The following ADGRF5 variants were observed in gnomAD, a reference collection of about 807,000 sequenced individuals.
The protein encoded by ADGRF5 is adhesion G protein-coupled receptor F5, also known as G-protein coupled receptor 116.
In ADGRF5, 75 loss-of-function variants were observed where a neutral mutation model predicts 132.3. The observed-to-expected ratio is 0.57, with a 90% CI of 0.47 to 0.69. The LOEUF is 0.69. Ranked by LOEUF, ADGRF5 falls within the 30% of genes least tolerant of loss-of-function variation. The probability of loss-of-function intolerance (pLI) is 0.00; values close to 1 mark genes in which losing one functional copy is unlikely to be tolerated. For synonymous variants in ADGRF5, 629 were observed against 597.6 expected (o/e 1.05, Z -0.77); for missense variants, 1,516 against 1,630.6 (o/e 0.93, Z 1.21).
chr6:46,915,288 TTAA>T (rs76660188), intron 1 of ADGRF5, among the ~76,000 whole-genome samples: 31 of 149,580 alleles, frequency 2.1e-4, no homozygotes, highest in East Asian at 3.9e-4. Flanking sequence ...CTTGACTATT[TTAA>T]TAATAATAAT....
chr6:46,910,155 T>C (rs913880813), intron 1 of ADGRF5, among the ~76,000 whole-genome samples: 9 of 152,194 alleles, frequency 5.9e-5, no homozygotes, highest in Admixed American at 3.9e-4. Context: ...CAGAGGTGGC[T>C]AGGAGCTGAG....
chr6:46,860,291 TA>T (rs111551096), intron 16 of ADGRF5, among the ~76,000 whole-genome samples: 115 of 152,298 alleles, frequency 7.6e-4, no homozygotes, highest in African/African-American at 2.6e-3. Context: ...ATCCCTTCAT[TA>T]AAGTCTCTTC....
At chr6:46,878,741 A>G (rs1453502102) in intron 9 of ADGRF5, among the ~76,000 whole-genome samples, 1 of 152,236 alleles carries the variant, frequency 6.6e-6, no homozygotes, top group East Asian at 1.9e-4. Context: ...TTGCCGTAGT[A>G]TTTAACCATG....
intron 12 of ADGRF5, 26 bp from the exon 13 acceptor site, chr6:46,867,163 A>G (rs1770546730): frequency 1.6e-6 from 2 of 1,231,922 alleles, no homozygotes; most frequent in South Asian, 1.2e-5. Context: ...CAAAAATGAG[A>G]TGGAATGGAA....
chr6:46,914,783 G>A (rs1165925476), intron 1 of ADGRF5, among the ~76,000 whole-genome samples: 1 of 151,898 alleles, frequency 6.6e-6, no homozygotes, highest in African/African-American at 2.4e-5. Context: ...ATGCCCAGGG[G>A]TGCATTCCAA....
intron 3 of ADGRF5, among the ~76,000 whole-genome samples, chr6:46,889,166 T>G (rs921558939): frequency 1.5e-5 from 2 of 130,052 alleles, no homozygotes; most frequent in Non-Finnish European, 3.2e-5. Flanking sequence ...TATATATGTA[T>G]ATGTGTGTGT....
chr6:46,870,766 T>A, intron 11 of ADGRF5: 1 of 404,272 alleles, frequency 2.5e-6, no homozygotes, highest in Non-Finnish European at 5.0e-6. Flanking sequence ...CAGGTCCCAG[T>A]TTTGTGGATA....
At chr6:46,914,449 G>A (rs138189219) in intron 1 of ADGRF5, among the ~76,000 whole-genome samples, 1 of 152,148 alleles carries the variant, frequency 6.6e-6, no homozygotes, top group Non-Finnish European at 1.5e-5. Flanking sequence ...CTGCCTTGAA[G>A]ACATTTTTTT....
intron 4 of ADGRF5, among the ~76,000 whole-genome samples, chr6:46,885,565 G>A (rs1170256020): frequency 6.6e-6 from 1 of 152,228 alleles, no homozygotes; most frequent in Admixed American, 6.5e-5. Context: ...TCAAATTAAA[G>A]TGAGACCCTC....
intron 5 of ADGRF5, among the ~76,000 whole-genome samples, 199 bp from the exon 6 acceptor site, chr6:46,883,864 C>T (rs1772765993): frequency 6.6e-6 from 1 of 152,228 alleles, no homozygotes; most frequent in Non-Finnish European, 1.5e-5. Context: ...GCCTCACCCT[C>T]CCGAGTAGCT....
chr6:46,909,609 C>T (rs78336833), intron 1 of ADGRF5, among the ~76,000 whole-genome samples: 1 of 152,194 alleles, frequency 6.6e-6, no homozygotes, highest in East Asian at 1.9e-4. Context: ...CCATTAATGG[C>T]ATTCTCTTGC....
chr6:46,929,183 T>A (rs1489583647), intron 1 of ADGRF5, among the ~76,000 whole-genome samples: 1 of 152,088 alleles, frequency 6.6e-6, no homozygotes, highest in Non-Finnish European at 1.5e-5. Flanking sequence ...TGAGTTCATG[T>A]CCTTTGTAGG....
intron 1 of ADGRF5, among the ~76,000 whole-genome samples, chr6:46,932,852 T>C (rs1296431210): frequency 1.3e-5 from 2 of 152,336 alleles, no homozygotes; most frequent in Non-Finnish European, 2.9e-5. Context: ...GGATGATGTA[T>C]TCTTTTTAAA....
intron 1 of ADGRF5, among the ~76,000 whole-genome samples, chr6:46,928,775 A>G (rs1214574105): frequency 6.6e-6 from 1 of 152,184 alleles, no homozygotes; most frequent in Non-Finnish European, 1.5e-5. Context: ...AGAAATGCAA[A>G]TCAAAACCAC....
rs550814296 is a variant in ADGRF5, at chr6:46,852,992, A to G, written c.*1000T>C. ...CACAGAGAAGTACCTGCTTGAAGCC[A>G]TTAAATATATGACAGGGTCTGTCTT... On this transcript the variant is annotated 3_prime_UTR_variant, in exon 21 of 21. Coordinates refer to ENST00000283296, the MANE Select transcript of ADGRF5 (RefSeq NM_001098518.2). 3 of 152,782 alleles carry G rather than the reference A, an allele frequency of 2.0e-5. No homozygotes were observed. Among genetic ancestry groups the G allele is most frequent in the Non-Finnish European group, 2.9e-5 (2 of 68,038 alleles). The allele number at this position is 152,782 out of a possible 1,614,324, so 9.5% of individuals were successfully genotyped here. A position where few individuals can be genotyped will look rare whatever the true frequency, so the allele number is the denominator to read the frequency against.
intron 1 of ADGRF5, among the ~76,000 whole-genome samples, chr6:46,910,556 A>G (rs1775845010): frequency 6.6e-6 from 1 of 152,096 alleles, no homozygotes; most frequent in Non-Finnish European, 1.5e-5. Context: ...TCAGACATGG[A>G]AAAGGAAGCT....
chr6:46,953,794 T>C (rs1026135126), intron 1 of ADGRF5, among the ~76,000 whole-genome samples: 7 of 148,870 alleles, frequency 4.7e-5, no homozygotes, highest in Non-Finnish European at 1.0e-4. Flanking sequence ...AATACATAAG[T>C]GGTAAGAAAT....
At chr6:46,929,436 T>C (rs1454634968) in intron 1 of ADGRF5, among the ~76,000 whole-genome samples, 1 of 149,820 alleles carries the variant, frequency 6.7e-6, no homozygotes, top group Non-Finnish European at 1.5e-5. Context: ...GACACATGTA[T>C]ACATACATAA....
At chr6:46,857,153 G>A (rs1269922312) in intron 17 of ADGRF5, among the ~76,000 whole-genome samples, 1 of 152,154 alleles carries the variant, frequency 6.6e-6, no homozygotes, top group East Asian at 1.9e-4. Flanking sequence ...AAAACTGGAG[G>A]TCCTGTTGGT....
Sources: gnomAD v4.1 joint callset for allele counts (sites outside exome capture counted in the v4.1 genomes callset) on GRCh38, gnomAD v4.1.1 for gene constraint, MANE v1.5 for transcripts, NCBI Gene and HGNC (gene_info 2026-07-23, HGNC 2026-07-21) for gene names.